PSD2: variants seen among roughly 807,000 people sequenced by gnomAD.
PSD2 encodes PH and SEC7 domain-containing protein 2.
Under a neutral mutation model 69.8 loss-of-function variants are expected in PSD2, and 38 were observed. The ratio of observed to expected loss-of-function variants is 0.54; its 90% CI spans 0.42 to 0.71. The LOEUF (loss-of-function observed/expected upper bound fraction) is 0.71. PSD2 is among the 30% of genes least tolerant of loss of function. The pLI is 0.00. For synonymous variants in PSD2, 412 were observed against 423.0 expected (o/e 0.97, Z 0.32); for missense variants, 943 against 1,014.5 (o/e 0.93, Z 0.96).
At position 139,836,913 on chromosome 5, in the gene PSD2, C is replaced by T. The variant is rs746866977; in HGVS notation, c.1506C>T (p.Phe502=). The T allele has an allele frequency of 2.5e-5, 40 of 1,614,074 alleles. No individual in the cohort carries two copies. The South Asian group carries it at 4.0e-4, about 16-fold the overall frequency. Residue 502 remains phenylalanine, a synonymous_variant, in exon 10 of 15, where the codon TTC becomes TTT. Coordinates refer to ENST00000274710, the MANE Select transcript of PSD2 (RefSeq NM_032289.4). ...GAATCCTGGATGGTGGCAACCCCTT[C>T]CTGGATGTCCCACAGGCGCTCAGTG... ...VTRILDGGNP[F]LDVPQALSAT... is the part of the protein sequence containing the mutation.
chr5:139,798,653 CTCTCTCTCTCTT>C (rs1759592276), intron 1 of PSD2, among the ~76,000 whole-genome samples: 2 of 152,152 alleles, frequency 1.3e-5, no homozygotes, highest in Non-Finnish European at 2.9e-5. Flanking sequence ...ATTTGTTTCT[CTCTCTCTCTCTT>C]TCTCTCTCTC....
upstream of PSD2, among the ~76,000 whole-genome samples, chr5:139,792,628 C>T (rs2126914332): frequency 6.6e-6 from 1 of 152,306 alleles, no homozygotes; most frequent in Admixed American, 6.5e-5. Flanking sequence ...GCGCATTCTT[C>T]TTTCCCTTGA....
chr5:139,773,982 A>G, the PSD2 span, among the ~76,000 whole-genome samples: 1 of 146,562 alleles, frequency 6.8e-6, no homozygotes. Flanking sequence ...TAATGTCCCA[A>G]TGACATTGAG....
chr5:139,791,433 AAAAACAAAAC>A (rs935072408), upstream of PSD2, among the ~76,000 whole-genome samples: 2 of 152,190 alleles, frequency 1.3e-5, no homozygotes, highest in African/African-American at 4.8e-5. Context: ...AAGAAAAACA[AAAAACAAAAC>A]AAAACAAAAC....
the PSD2 span, among the ~76,000 whole-genome samples, chr5:139,766,933 CTTTCTTTCTTTCTTTCTTTCTTTCTTT>C: frequency 2.0e-4 from 10 of 50,980 alleles, no homozygotes; most frequent in Non-Finnish European, 3.1e-4. Flanking sequence ...TCCTTCCCTT[CTTTCTTTCTTTCTTTCTTTCTTTCTTT>C]CTTTCTTTCT....
upstream of PSD2, among the ~76,000 whole-genome samples, chr5:139,790,975 C>G (rs1277720102): frequency 6.6e-6 from 1 of 152,008 alleles, no homozygotes; most frequent in East Asian, 1.9e-4. Flanking sequence ...CGCTTGAACC[C>G]AGGAGGTGGG....
chr5:139,797,900 T>C (rs1050835618), intron 1 of PSD2, among the ~76,000 whole-genome samples: 4 of 152,150 alleles, frequency 2.6e-5, no homozygotes, highest in African/African-American at 9.7e-5. Flanking sequence ...GGAGGTGGGA[T>C]AGAGTGTCTC....
At chr5:139,759,331 C>G in the PSD2 span, among the ~76,000 whole-genome samples, 1 of 151,974 alleles carries the variant, frequency 6.6e-6, no homozygotes, top group Non-Finnish European at 1.5e-5. Flanking sequence ...CCTACTTCTG[C>G]TTGGCGGCGC....
the PSD2 span, among the ~76,000 whole-genome samples, chr5:139,789,241 G>T: frequency 2.0e-5 from 3 of 152,230 alleles, no homozygotes; most frequent in Non-Finnish European, 4.4e-5. Flanking sequence ...GGGACTGAGA[G>T]GGAGTGTGCA....
At chr5:139,812,713 C>T (rs992530703) in intron 2 of PSD2, among the ~76,000 whole-genome samples, 8 of 152,146 alleles carry the variant, frequency 5.3e-5, no homozygotes, top group African/African-American at 1.2e-4. Flanking sequence ...AGCTGAGGTG[C>T]GTTTGGCCGA....
the PSD2 span, among the ~76,000 whole-genome samples, chr5:139,785,302 C>T: frequency 6.6e-6 from 1 of 151,622 alleles, no homozygotes; most frequent in African/African-American, 2.4e-5. Context: ...CGGCTTACTG[C>T]AACCTCTGCC....
chr5:139,764,484 T>A, the PSD2 span, among the ~76,000 whole-genome samples: 1 of 152,088 alleles, frequency 6.6e-6, no homozygotes, highest in East Asian at 1.9e-4. Context: ...GTGGGCAGCC[T>A]GGCGCGCCCG....
chr5:139,832,064 T>C (rs1183828539), intron 7 of PSD2, among the ~76,000 whole-genome samples: 1 of 152,234 alleles, frequency 6.6e-6, no homozygotes, highest in Non-Finnish European at 1.5e-5. Context: ...TCCTCACCCT[T>C]GAAGCCTTCA....
At chr5:139,810,254 C>T (rs940377759) in intron 2 of PSD2, among the ~76,000 whole-genome samples, 2 of 152,182 alleles carry the variant, frequency 1.3e-5, no homozygotes, top group Non-Finnish European at 2.9e-5. Flanking sequence ...CTGCAGTAAT[C>T]GTCAGGAAGT....
At chr5:139,787,655 C>A in the PSD2 span, among the ~76,000 whole-genome samples, 1 of 152,240 alleles carries the variant, frequency 6.6e-6, no homozygotes, top group South Asian at 2.1e-4. Context: ...CCCAAAAGAG[C>A]CCCCGTCGCT....
the PSD2 span, among the ~76,000 whole-genome samples, chr5:139,753,033 C>T: frequency 6.6e-6 from 1 of 152,148 alleles, no homozygotes; most frequent in Admixed American, 6.5e-5. Context: ...TCATTCTTGC[C>T]TTTCTCCTGG....
At chr5:139,758,356 A>G in the PSD2 span, among the ~76,000 whole-genome samples, 1 of 152,190 alleles carries the variant, frequency 6.6e-6, no homozygotes, top group Non-Finnish European at 1.5e-5. Flanking sequence ...GAATGTTTGA[A>G]GCCCAGAGGC....
chr5:139,755,972 AT>A, the PSD2 span, among the ~76,000 whole-genome samples: 1 of 152,182 alleles, frequency 6.6e-6, no homozygotes, highest in East Asian at 1.9e-4. Context: ...GGTTCAGTGT[AT>A]GTGCCTATCC....
the PSD2 span, among the ~76,000 whole-genome samples, chr5:139,766,828 C>CTTCTCTCTCTCTCTTTCT: frequency 2.3e-5 from 2 of 87,736 alleles, no homozygotes; most frequent in African/African-American, 7.2e-5. Flanking sequence ...AAGTCCCTTC[C>CTTCTCTCTCTCTCTTTCT]TTCTTTCTTT....
Sources: allele counts gnomAD v4.1 joint callset (sites outside exome capture counted in the v4.1 genomes callset), GRCh38; gene constraint gnomAD v4.1.1; transcripts MANE v1.5; gene names NCBI Gene and HGNC (gene_info 2026-07-23, HGNC 2026-07-21).